C20orf96: variants seen among roughly 807,000 people sequenced by gnomAD.
The protein encoded by C20orf96 is chromosome 20 open reading frame 96.
C20orf96 carries 57 observed loss-of-function variants against 52.6 expected under a neutral mutation model. The ratio of observed to expected loss-of-function variants is 1.08; its 90% CI spans 0.88 to 1.35. The LOEUF (loss-of-function observed/expected upper bound fraction) is 1.35, where lower values mean the gene tolerates loss of function less well. Among genes scored for constraint, C20orf96 ranks in the 40% most tolerant of loss-of-function variants. The pLI is 0.00. For synonymous variants in C20orf96, 168 were observed against 157.2 expected, an observed-to-expected ratio of 1.07 and a Z score of -0.51; for missense variants, 478 against 443.6, an observed-to-expected ratio of 1.08 and a Z score of -0.70.
chr20:276,084 A>G lies in C20orf96; in HGVS notation c.915T>C (p.Ile305=). The G allele has an allele frequency of 6.2e-7, 1 of 1,613,944 alleles. No homozygotes were observed. Among genetic ancestry groups the G allele is most frequent in the Non-Finnish European group, 8.5e-7 (1 of 1,180,004 alleles). Residue 305 remains isoleucine, a splice_region_variant and synonymous_variant, in exon 10 of 11, where the codon ATT becomes ATC. Coordinates refer to ENST00000360321, the MANE Select transcript of C20orf96 (RefSeq NM_153269.3). Reference sequence around the variant, plus strand: ...GCATGTTCTCCTCAAACTGGTCAATAATCTGAGAGGAAAGGCACAGCAGGG... The same window carrying G: ...GCATGTTCTCCTCAAACTGGTCAATGATCTGAGAGGAAAGGCACAGCAGGG... ...FLKCMQRFRE[I]IDQFEENMPV...
In C20orf96 at chr20:271,269, T is replaced by G. The variant is rs753220616; in HGVS notation, c.1032-2A>C. 1.9e-6 allele frequency: 3 copies of G among 1,552,690 alleles called. No homozygotes were observed. In the African/African-American group the frequency reaches 4.1e-5, roughly 21 times the overall value. ...ATGACATCCATGTCTGGGGTGCACCTGGTGGGAGGCAGCACAGAAGGCCAT... is the reference window on the plus strand; with the variant it reads ...ATGACATCCATGTCTGGGGTGCACCGGGTGGGAGGCAGCACAGAAGGCCAT... On this transcript the variant is annotated splice_acceptor_variant, in intron 10 of 10. Coordinates refer to ENST00000360321, the MANE Select transcript of C20orf96 (RefSeq NM_153269.3). LOFTEE classifies it high-confidence loss of function.
At chr20:285,388 A>C (rs2012357533) in intron 3 of C20orf96, among the ~76,000 whole-genome samples, 1 of 152,238 alleles carries the variant, frequency 6.6e-6, no homozygotes, top group Non-Finnish European at 1.5e-5. Flanking sequence ...AATCTCTTTA[A>C]TAGATCAATG....
rs2011821653 is a variant in C20orf96 at position 271,212 on chromosome 20, A to C, written c.1087T>G (p.Phe363Val). ...LNIPVEEPLP[F>V] is the part of the protein sequence containing the mutation. ...GCGGCCCATGGCACTGCCATCTAGA[A>C]GGGTAGTGGCTCTTCCACAGGAATG... The change falls in exon 11 of 11, where the codon TTC (phenylalanine) becomes GTC (valine). Residue 363 changes from phenylalanine to valine, a missense_variant. Physicochemically the swap from Phe to Val is conservative, Grantham distance 50. Transcript: ENST00000360321. The C allele has an allele frequency of 6.4e-7, 1 of 1,554,998 alleles. No individual in the cohort carries two copies. Among genetic ancestry groups the C allele is most frequent in the Admixed American group, 1.9e-5 (1 of 51,362 alleles).
intron 4 of C20orf96, among the ~76,000 whole-genome samples, chr20:280,205 TAAC>T (rs760316337): frequency 9.3e-5 from 14 of 150,726 alleles, no homozygotes; most frequent in Admixed American, 2.0e-4. Context: ...AAACCTACAG[TAAC>T]AACAACAACA....
At position 279,110 on chromosome 20, in the gene C20orf96, G is replaced by C. The variant is rs1256541390; in HGVS notation, c.465+62C>G. The C allele has an allele frequency of 3.7e-5, 41 of 1,114,802 alleles. 1 individual carries two copies. The highest frequency in any genetic ancestry group is 1.3e-4 in the African/African-American group (5 of 39,252). 69.1% of individuals were successfully genotyped at this position (1,114,802 alleles called of 1,614,324 possible). A position where few individuals can be genotyped will look rare whatever the true frequency, so the allele number is the denominator to read the frequency against. On this transcript the variant is annotated intron_variant, in intron 5 of 10. Transcript: ENST00000360321. The stretch of plus-strand genomic sequence containing the variant: ...AGGGCGGGACGGAGGGACGGAGGGA[G>C]GGAGGGAGGGACGGAGGTTGGGACG...
intron 10 of C20orf96, among the ~76,000 whole-genome samples, chr20:274,753 A>G (rs2011960130): frequency 6.6e-6 from 1 of 152,052 alleles, no homozygotes; most frequent in Non-Finnish European, 1.5e-5. Flanking sequence ...CATCCTCAGG[A>G]AAACCTTCCT....
At chr20:289,157 A>C in intron 3 of C20orf96, among the ~76,000 whole-genome samples, 1 of 152,132 alleles carries the variant, frequency 6.6e-6, no homozygotes, top group East Asian at 1.9e-4. Context: ...ATGGCCCCTG[A>C]AACATGAGTA....
intron 3 of C20orf96, among the ~76,000 whole-genome samples, chr20:285,209 G>A (rs1173597980): frequency 1.3e-5 from 2 of 152,210 alleles, no homozygotes; most frequent in Non-Finnish European, 1.5e-5. Context: ...CTGTGGTTCT[G>A]CCAGATAAGA....
intron 1 of C20orf96, 65 bp downstream of exon 1, chr20:290,526 G>A (rs2012515791): frequency 1.3e-6 from 2 of 1,585,598 alleles, no homozygotes; most frequent in Admixed American, 1.8e-5. Context: ...ACAGCGGCGG[G>A]GTGTGAAGTA....
intron 1 of C20orf96, 79 bp downstream of exon 1, chr20:290,512 C>G: frequency 6.4e-7 from 1 of 1,571,076 alleles, no homozygotes. Context: ...GAGGCGAGGG[C>G]GGGACAGCGG....
chr20:286,317 G>A (rs1190250747), intron 3 of C20orf96, among the ~76,000 whole-genome samples: 7 of 152,132 alleles, frequency 4.6e-5, no homozygotes, highest in Non-Finnish European at 1.0e-4. Context: ...AGGAGTTCAA[G>A]ATCAGCCTGG....
chr20:288,819 G>A (rs2012463943), intron 3 of C20orf96, among the ~76,000 whole-genome samples: 1 of 152,130 alleles, frequency 6.6e-6, no homozygotes, highest in South Asian at 2.1e-4. Flanking sequence ...GTTCATTTCA[G>A]GATACCAAAG....
In C20orf96 at chr20:276,042, C is replaced by T; in HGVS notation, c.957G>A (p.Glu319=). 1 of 1,614,204 alleles carries T rather than the reference C, an allele frequency of 6.2e-7. No individual in the cohort carries two copies. The highest frequency in any genetic ancestry group is 8.5e-7 in the Non-Finnish European group (1 of 1,180,040). ...FEENMPVLRA[E]VEELQAQTRE... is the part of the protein sequence containing the mutation. Reference sequence around the variant, plus strand: ...GGGTCTGGGCTTGGAGCTCTTCCACCTCGGCCCTTAATACAGGCATGTTCT... The same window carrying T: ...GGGTCTGGGCTTGGAGCTCTTCCACTTCGGCCCTTAATACAGGCATGTTCT... The change falls in exon 10 of 11, where the codon GAG becomes GAA. Residue 319 remains glutamate, a synonymous_variant. Coordinates refer to ENST00000360321, the MANE Select transcript of C20orf96 (RefSeq NM_153269.3).
chr20:282,067 C>T (rs542447420), intron 4 of C20orf96, among the ~76,000 whole-genome samples: 55 of 152,332 alleles, frequency 3.6e-4, no homozygotes, highest in Middle Eastern at 3.4e-3. Flanking sequence ...AGCCACTCCA[C>T]TACCTTGTCT....
At chr20:271,469 C>T (rs866969402) in intron 10 of C20orf96, among the ~76,000 whole-genome samples, 6 of 122,150 alleles carry the variant, frequency 4.9e-5, no homozygotes, top group Admixed American at 4.9e-4. Flanking sequence ...CACACACACA[C>T]ACACACACAC....
intron 10 of C20orf96, among the ~76,000 whole-genome samples, 157 bp from the exon 11 acceptor site, chr20:271,424 A>G (rs2011832399): frequency 6.6e-6 from 1 of 150,756 alleles, no homozygotes; most frequent in South Asian, 2.1e-4. Flanking sequence ...CTCAAAGCCC[A>G]ACTGTGCATA....
rs1453249841 is a variant in C20orf96, at chr20:279,324, G to A, written c.313C>T (p.Leu105Phe). ...CGCAGAGCGGCCCTCCCGCTCCTGAGCGAGGTCTGCGGGCGGAGGGAAGAG... is the reference window on the plus strand; with the variant it reads ...CGCAGAGCGGCCCTCCCGCTCCTGAACGAGGTCTGCGGGCGGAGGGAAGAG... ...HAKIWLMKTSLRSGRAALREL... is the reference protein window; with the variant it reads ...HAKIWLMKTSFRSGRAALREL... Residue 105 changes from leucine (L) to phenylalanine (F), a missense_variant, in exon 5 of 11, where the codon CTC becomes TTC. Coordinates refer to ENST00000360321, the MANE Select transcript of C20orf96 (RefSeq NM_153269.3). 4 of 1,604,526 alleles carry A rather than the reference G, an allele frequency of 2.5e-6. No individual in the cohort carries two copies. Among genetic ancestry groups the A allele is most frequent in the Non-Finnish European group, 3.4e-6 (4 of 1,178,906 alleles).
chr20:271,533 CCT>C (rs1161920847), intron 10 of C20orf96, among the ~76,000 whole-genome samples: 1 of 151,996 alleles, frequency 6.6e-6, no homozygotes, highest in Non-Finnish European at 1.5e-5. Context: ...CAAATGTTCC[CCT>C]GACAAGTCTG....
rs1174375989 is a variant in C20orf96 at position 279,290 on chromosome 20, C to G, written c.347G>C (p.Arg116Pro). 1.2e-6 allele frequency: 2 copies of G among 1,609,084 alleles called. No individual in the cohort carries two copies. The highest frequency in any genetic ancestry group is 2.2e-5 in the South Asian group (2 of 91,014). The change falls in exon 5 of 11, where the codon CGA becomes CCA. Residue 116 changes from arginine (R) to proline (P), a missense_variant. Physicochemically the swap from Arg to Pro is moderately radical, Grantham distance 103 (BLOSUM62 -2). Coordinates refer to ENST00000360321, the MANE Select transcript of C20orf96 (RefSeq NM_153269.3). Reference sequence around the variant, plus strand: ...CTTGCTGAGGAAGTTCTCACGGCTTCGGAGCTCTCGCAGAGCGGCCCTCCC... The same window carrying G: ...CTTGCTGAGGAAGTTCTCACGGCTTGGGAGCTCTCGCAGAGCGGCCCTCCC... ...RSGRAALREL[R>P]SRENFLSKLN...
Sources: gnomAD v4.1 joint callset for allele counts (sites outside exome capture counted in the v4.1 genomes callset) on GRCh38, gnomAD v4.1.1 for gene constraint, MANE v1.5 for transcripts, NCBI Gene and HGNC (gene_info 2026-07-23, HGNC 2026-07-21) for gene names.